The following PLCD4 variants were observed in gnomAD, a reference collection of about 807,000 sequenced individuals.
PLCD4 encodes the protein phospholipase C delta 4.
PLCD4 carries 63 observed loss-of-function variants against 90.2 expected under a neutral mutation model. The observed-to-expected ratio is 0.70, with a 90% confidence interval of 0.57 to 0.86. The LOEUF (loss-of-function observed/expected upper bound fraction) is 0.86. Among genes scored for constraint, PLCD4 ranks in the 40% least tolerant of loss-of-function variants. The pLI, the probability that PLCD4 is intolerant of heterozygous loss-of-function variation, is 0.00. For synonymous variants in PLCD4, 294 were observed against 356.5 expected, an observed-to-expected ratio of 0.82 and a Z score of 1.97; for missense variants, 830 against 956.3, an observed-to-expected ratio of 0.87 and a Z score of 1.74.
Position 218,636,831 on chromosome 2 carries a change from C to T in PLCD4, c.*254C>T, listed in dbSNP as rs770538349. ...GCCCTTTTCCTTTGTGTACTCTATACTGGAGTTCCCTTCTTCCTCTTGCTG... is the reference window on the plus strand; with the variant it reads ...GCCCTTTTCCTTTGTGTACTCTATATTGGAGTTCCCTTCTTCCTCTTGCTG... On this transcript the variant is annotated 3_prime_UTR_variant, in exon 16 of 16. Coordinates refer to ENST00000450993, the MANE Select transcript of PLCD4 (RefSeq NM_032726.4). The T allele has an allele frequency of 2.7e-5, 15 of 561,120 alleles. No individual in the cohort carries two copies. The highest frequency in any genetic ancestry group is 1.8e-4 in the South Asian group (12 of 65,464). The allele number at this position is 561,120 out of a possible 1,614,324, so 34.8% of individuals were successfully genotyped here. A position where few individuals can be genotyped will look rare whatever the true frequency, so the allele number is the denominator to read the frequency against.
At chr2:218,615,207 G>A (rs138944469) in intron 1 of PLCD4, among the ~76,000 whole-genome samples, 2,301 of 152,068 alleles carry the variant, frequency 0.015, 48 homozygotes, top group African/African-American at 0.05. Flanking sequence ...GTGACAGAGC[G>A]ACACTCCGTA....
At chr2:218,622,514 A>G in intron 5 of PLCD4, 133 bp from the exon 6 acceptor site, 1 of 543,444 alleles carries the variant, frequency 1.8e-6, no homozygotes, top group South Asian at 3.2e-5. Context: ...CCTATATCAA[A>G]ACATCTAATT....
In PLCD4 at chr2:218,636,568, T is replaced by C; in HGVS notation, c.2280T>C (p.Asp760=). ...GCATCCAGGAAGGCCTGGAGGGGGA[T>C]GAGTCCTGAGGTGGGCATTTCACGG... is the stretch of plus-strand genomic sequence containing the variant. The part of the protein sequence containing the change: ...YICIQEGLEG[D]ES The change falls in exon 16 of 16, where the codon GAT becomes GAC. Residue 760 remains aspartate (D), a synonymous_variant. Coordinates refer to ENST00000450993, the MANE Select transcript of PLCD4 (RefSeq NM_032726.4). The C allele has an allele frequency of 6.2e-7, 1 of 1,613,962 alleles. No homozygotes were observed. Among genetic ancestry groups the C allele is most frequent in the Non-Finnish European group, 8.5e-7 (1 of 1,179,858 alleles).
chr2:218,631,715 C>T (rs1319723435), intron 9 of PLCD4, among the ~76,000 whole-genome samples: 1 of 149,326 alleles, frequency 6.7e-6, no homozygotes, highest in East Asian at 2.0e-4. Context: ...ATTGCTTGAA[C>T]CTGGAAGGTG....
chr2:218,636,305 C>T lies in PLCD4; in HGVS notation c.2095C>T (p.Leu699=). ...GGTGCTGGTGCCTGAACTTGCCATG[C>T]TGCGTTTTGTGGTAATGGATTATGA... ...FRVLVPELAM[L]RFVVMDYDWK... Residue 699 remains leucine (L), a synonymous_variant, in exon 15 of 16, where the codon CTG becomes TTG. Transcript: ENST00000450993. 2.5e-6 allele frequency: 4 copies of T among 1,614,058 alleles called. No homozygotes were observed. Among genetic ancestry groups the T allele is most frequent in the South Asian group, 1.1e-5 (1 of 91,082 alleles).
At chr2:218,630,261 T>G (rs1028597165) in intron 8 of PLCD4, among the ~76,000 whole-genome samples, 1 of 152,164 alleles carries the variant, frequency 6.6e-6, no homozygotes, top group Non-Finnish European at 1.5e-5. Context: ...AACACAGAGA[T>G]AGTGGTGAGT....
chr2:218,616,919 TATATATATAGAGAG>T (rs1695616630), intron 3 of PLCD4, among the ~76,000 whole-genome samples: 5 of 25,154 alleles, frequency 2.0e-4, no homozygotes, highest in African/African-American at 5.7e-4. Context: ...TATATATATA[TATATATATAGAGAG>T]AGAGAGAGAG....
chr2:218,624,489 C>T (rs556419768), intron 6 of PLCD4, among the ~76,000 whole-genome samples: 2 of 151,908 alleles, frequency 1.3e-5, no homozygotes, highest in South Asian at 2.1e-4. Flanking sequence ...TTTGGGAGAC[C>T]GGGCAGATAA....
At position 218,636,836 on chromosome 2, in the gene PLCD4, G is replaced by A. The variant is rs182469473; in HGVS notation, c.*259G>A. 246 of 554,212 alleles carry A rather than the reference G, an allele frequency of 4.4e-4. No homozygotes were observed. Among genetic ancestry groups the A allele is most frequent in the Admixed American group, 1.2e-3 (55 of 45,338 alleles). 34.3% of individuals were successfully genotyped at this position (554,212 alleles called of 1,614,324 possible). A position where few individuals can be genotyped will look rare whatever the true frequency, so the allele number is the denominator to read the frequency against. On this transcript the variant is annotated 3_prime_UTR_variant, in exon 16 of 16. Transcript: ENST00000450993. ...TTTCCTTTGTGTACTCTATACTGGA[G>A]TTCCCTTCTTCCTCTTGCTGTAGGC...
At chr2:218,611,834 A>G (rs1695349523) in intron 1 of PLCD4, among the ~76,000 whole-genome samples, 1 of 152,108 alleles carries the variant, frequency 6.6e-6, no homozygotes, top group Non-Finnish European at 1.5e-5. Flanking sequence ...CCTGACCTCA[A>G]GTGATCCACC....
chr2:218,616,923 TATATAGAGAG>T (rs1424303043), intron 3 of PLCD4, among the ~76,000 whole-genome samples: 11 of 24,122 alleles, frequency 4.6e-4, no homozygotes, highest in African/African-American at 1.6e-3. Flanking sequence ...TATATATATA[TATATAGAGAG>T]AGAGAGAGAG....
At chr2:218,629,431 A>G (rs944067598) in intron 7 of PLCD4, 88 bp from the exon 8 acceptor site, 82 of 1,485,538 alleles carry the variant, frequency 5.5e-5, no homozygotes, top group Non-Finnish European at 6.9e-5. Context: ...GCTGGTGAGC[A>G]CTGTTCTCTC....
chr2:218,631,507 A>G (rs1487378305), intron 9 of PLCD4, among the ~76,000 whole-genome samples: 14 of 146,624 alleles, frequency 9.5e-5, no homozygotes, highest in Non-Finnish European at 1.5e-5. Flanking sequence ...CCACGGTAAG[A>G]TTATTCAGGC....
chr2:218,610,780 T>C (rs1436822828), intron 1 of PLCD4, among the ~76,000 whole-genome samples: 1 of 151,926 alleles, frequency 6.6e-6, no homozygotes, highest in Non-Finnish European at 1.5e-5. Flanking sequence ...CAGGCTGCAG[T>C]GCAATGGCGC....
chr2:218,620,012 G>C (rs1695800859), intron 4 of PLCD4, among the ~76,000 whole-genome samples: 1 of 152,094 alleles, frequency 6.6e-6, no homozygotes, highest in African/African-American at 2.4e-5. Flanking sequence ...CGAGCAGCTG[G>C]GATTACAGGC....
intron 7 of PLCD4, 115 bp from the exon 8 acceptor site, chr2:218,629,404 G>T: frequency 2.5e-6 from 3 of 1,210,014 alleles, no homozygotes; most frequent in Non-Finnish European, 3.5e-6. Flanking sequence ...AGCTTGAAGG[G>T]GTCTGGATGG....
chr2:218,623,903 G>A (rs577969563), intron 6 of PLCD4, among the ~76,000 whole-genome samples: 71 of 152,174 alleles, frequency 4.7e-4, no homozygotes, highest in African/African-American at 1.6e-3. Flanking sequence ...GGCTGGTCTC[G>A]AACTCCCGAC....
intron 4 of PLCD4, 200 bp downstream of exon 4, chr2:218,619,007 C>T (rs1191176373): frequency 5.1e-6 from 3 of 588,094 alleles, no homozygotes; most frequent in Non-Finnish European, 9.0e-6. Context: ...ATCACATAGC[C>T]AGGCAGGAAT....
intron 4 of PLCD4, among the ~76,000 whole-genome samples, chr2:218,620,637 G>A (rs970168172): frequency 6.6e-6 from 1 of 151,452 alleles, no homozygotes; most frequent in African/African-American, 2.4e-5. Flanking sequence ...GATCACTTTG[G>A]TCTGGGAGGT....
Sources: allele counts gnomAD v4.1 joint callset (sites outside exome capture counted in the v4.1 genomes callset), GRCh38; gene constraint gnomAD v4.1.1; transcripts MANE v1.5; gene names NCBI Gene and HGNC (gene_info 2026-07-23, HGNC 2026-07-21).